Variants in FBXW7 observed in about 807,000 individuals in gnomAD.
FBXW7 encodes F-box/WD repeat-containing protein 7.
FBXW7 carries 11 observed loss-of-function variants against 86.3 expected under a neutral mutation model. That is an observed-to-expected ratio of 0.13 (90% CI 0.08 to 0.21). FBXW7 has a LOEUF of 0.21. Among genes scored for constraint, FBXW7 ranks in the 10% least tolerant of loss-of-function variants. The pLI, the probability that FBXW7 is intolerant of heterozygous loss-of-function variation, is 1.00. For missense variants in FBXW7, 488 were observed against 847.4 expected (o/e 0.58, Z 5.27); for synonymous variants, 313 against 297.9 (o/e 1.05, Z -0.52).
intron 13 of FBXW7, 66 bp from the exon 14 acceptor site, chr4:152,323,215 A>C (rs1728702257): frequency 4.0e-6 from 6 of 1,507,894 alleles, no homozygotes; most frequent in Non-Finnish European, 5.4e-6. Flanking sequence ...GTTACATTAT[A>C]ATTTGTAGAC....
intron 2 of FBXW7, among the ~76,000 whole-genome samples, chr4:152,415,449 G>A (rs1738340136): frequency 6.6e-6 from 1 of 152,032 alleles, no homozygotes; most frequent in Non-Finnish European, 1.5e-5. Flanking sequence ...TCAAAGCTTG[G>A]AATCACTTTC....
At chr4:152,530,070 TACAC>T (rs200498212) in intron 2 of FBXW7, among the ~76,000 whole-genome samples, 5,998 of 124,580 alleles carry the variant, frequency 0.048, 273 homozygotes, top group East Asian at 0.13. Context: ...AAAAAAAAAA[TACAC>T]ACACACACAC....
intron 2 of FBXW7, among the ~76,000 whole-genome samples, chr4:152,417,242 T>C (rs1579143357): frequency 6.6e-6 from 1 of 152,190 alleles, no homozygotes; most frequent in Admixed American, 6.5e-5. Context: ...ACATCCAAAC[T>C]TCTATTTCCC....
chr4:152,466,807 T>C (rs944059760), intron 2 of FBXW7, among the ~76,000 whole-genome samples: 7 of 151,790 alleles, frequency 4.6e-5, no homozygotes, highest in Admixed American at 3.9e-4. Context: ...CCAGGCGCGG[T>C]GGCGGGCACC....
At chr4:152,468,999 A>C (rs771489030) in intron 2 of FBXW7, among the ~76,000 whole-genome samples, 1 of 152,130 alleles carries the variant, frequency 6.6e-6, no homozygotes, top group East Asian at 1.9e-4. Context: ...TACAGTAAAC[A>C]GAACAGTATA....
intron 2 of FBXW7, among the ~76,000 whole-genome samples, chr4:152,532,500 C>A (rs1211679857): frequency 6.6e-6 from 1 of 152,204 alleles, no homozygotes; most frequent in Admixed American, 6.5e-5. Context: ...TACTCAACAA[C>A]CTCTATCTGT....
At chr4:152,466,272 C>A (rs1743427951) in intron 2 of FBXW7, among the ~76,000 whole-genome samples, 1 of 152,136 alleles carries the variant, frequency 6.6e-6, no homozygotes, top group Admixed American at 6.5e-5. Flanking sequence ...ATTAAAGACA[C>A]TGGCTGGGCG....
chr4:152,513,457 GA>G (rs1325735520), intron 2 of FBXW7, among the ~76,000 whole-genome samples: 1 of 152,054 alleles, frequency 6.6e-6, no homozygotes, highest in African/African-American at 2.4e-5. Context: ...TACAGCCCGA[GA>G]AAAAGAATAC....
intron 4 of FBXW7, among the ~76,000 whole-genome samples, chr4:152,354,414 G>T (rs1732164833): frequency 6.6e-6 from 1 of 152,058 alleles, no homozygotes; most frequent in African/African-American, 2.4e-5. Flanking sequence ...TCAAGATTTA[G>T]GAAAGGGGGA....
intron 4 of FBXW7, among the ~76,000 whole-genome samples, chr4:152,372,735 T>C (rs1263981061): frequency 6.6e-6 from 1 of 152,022 alleles, no homozygotes; most frequent in African/African-American, 2.4e-5. Context: ...CCTAACTTAG[T>C]TTATATTTAC....
intron 4 of FBXW7, among the ~76,000 whole-genome samples, chr4:152,351,707 T>G (rs1019485669): frequency 4.6e-5 from 7 of 152,252 alleles, no homozygotes; most frequent in African/African-American, 1.7e-4. Flanking sequence ...CTTATCTTCA[T>G]AATTAGGAGA....
intron 4 of FBXW7, among the ~76,000 whole-genome samples, chr4:152,363,115 A>G (rs1733144860): frequency 6.6e-6 from 1 of 152,176 alleles, no homozygotes; most frequent in East Asian, 1.9e-4. Context: ...AGAAAAAGCT[A>G]GTGACTGAGA....
intron 9 of FBXW7, 50 bp downstream of exon 9, chr4:152,330,682 G>T: frequency 6.3e-7 from 1 of 1,582,804 alleles, no homozygotes; most frequent in East Asian, 2.3e-5. Flanking sequence ...AGTACACTAG[G>T]TACTAACACT....
At chr4:152,395,913 A>G (rs1736384854) in intron 4 of FBXW7, among the ~76,000 whole-genome samples, 2 of 152,074 alleles carry the variant, frequency 1.3e-5, no homozygotes, top group Non-Finnish European at 2.9e-5. Flanking sequence ...CTGGACACCA[A>G]TATATTTTAA....
intron 4 of FBXW7, chr4:152,352,764 G>A (rs1324293513): frequency 6.2e-7 from 1 of 1,607,450 alleles, no homozygotes; most frequent in African/African-American, 1.3e-5. Flanking sequence ...AGAACTCGAG[G>A]GAATAATGAG....
intron 9 of FBXW7, 51 bp from the exon 10 acceptor site, chr4:152,329,836 T>C (rs775893298): frequency 9.5e-7 from 1 of 1,057,346 alleles, no homozygotes; most frequent in Non-Finnish European, 1.3e-6. Context: ...TTATGTTCTT[T>C]AAAATACTGG....
intron 2 of FBXW7, among the ~76,000 whole-genome samples, chr4:152,443,070 T>C (rs1481689910): frequency 2.6e-5 from 4 of 152,036 alleles, no homozygotes; most frequent in Non-Finnish European, 4.4e-5. Context: ...CAAGACCAGC[T>C]TGACCAACAC....
intron 8 of FBXW7, among the ~76,000 whole-genome samples, chr4:152,331,832 A>G (rs1729592089): frequency 6.6e-6 from 1 of 152,098 alleles, no homozygotes; most frequent in Non-Finnish European, 1.5e-5. Flanking sequence ...CAAATACTTA[A>G]GAATGAAGAT....
chr4:152,517,213 G>A (rs1335884897), intron 2 of FBXW7, among the ~76,000 whole-genome samples: 2 of 152,046 alleles, frequency 1.3e-5, no homozygotes. Flanking sequence ...AAAGTTGGAG[G>A]GGTGGTTTTT....
Sources: allele counts gnomAD v4.1 joint callset (sites outside exome capture counted in the v4.1 genomes callset), GRCh38; gene constraint gnomAD v4.1.1; transcripts MANE v1.5; gene names NCBI Gene and HGNC (gene_info 2026-07-23, HGNC 2026-07-21).